Variants in MITF observed in about 807,000 individuals in gnomAD.
MITF encodes melanocyte inducing transcription factor, also known as microphthalmia-associated transcription factor.
MITF carries 17 observed loss-of-function variants against 60.5 expected under a neutral mutation model. That is an observed-to-expected ratio of 0.28 (90% CI 0.19 to 0.42). The LOEUF (loss-of-function observed/expected upper bound fraction) is 0.42, where lower values mean the gene tolerates loss of function less well. Ranked by LOEUF, MITF falls within the 10% of genes least tolerant of loss-of-function variation. MITF has a pLI of 1.00. For synonymous variants in MITF, 260 were observed against 248.5 expected (o/e 1.05, Z -0.43); for missense variants, 622 against 683.5 (o/e 0.91, Z 1.00).
intron 1 of MITF, among the ~76,000 whole-genome samples, chr3:69,811,242 G>A (rs902726150): frequency 6.6e-6 from 1 of 152,190 alleles, no homozygotes; most frequent in African/African-American, 2.4e-5. Flanking sequence ...AATACTTTAC[G>A]AGTATTTACA....
At chr3:69,769,222 CAAT>C (rs2062353327) in intron 1 of MITF, among the ~76,000 whole-genome samples, 1 of 151,914 alleles carries the variant, frequency 6.6e-6, no homozygotes, top group Admixed American at 6.6e-5. Flanking sequence ...GTAATAATAA[CAAT>C]AATGATGATG....
intron 1 of MITF, among the ~76,000 whole-genome samples, chr3:69,830,050 A>T (rs1247027994): frequency 6.6e-6 from 1 of 152,088 alleles, no homozygotes; most frequent in Non-Finnish European, 1.5e-5. Flanking sequence ...CTTCTGGGCG[A>T]TGTTTCAGCT....
At chr3:69,851,234 A>G (rs77524845) in intron 1 of MITF, among the ~76,000 whole-genome samples, 4 of 152,208 alleles carry the variant, frequency 2.6e-5, no homozygotes, top group African/African-American at 9.7e-5. Flanking sequence ...TTTTATTGAC[A>G]TAGGAATACT....
intron 1 of MITF, among the ~76,000 whole-genome samples, chr3:69,813,822 A>C (rs561335362): frequency 1.3e-5 from 2 of 152,224 alleles, no homozygotes; most frequent in African/African-American, 4.8e-5. Flanking sequence ...TAAGGATCTT[A>C]GATAAAATTG....
intron 1 of MITF, among the ~76,000 whole-genome samples, chr3:69,850,241 T>TA: frequency 6.6e-6 from 1 of 152,296 alleles, no homozygotes; most frequent in South Asian, 2.1e-4. Context: ...AGTTACTAGT[T>TA]AGACAATGAG....
At chr3:69,814,605 C>G (rs985842328) in intron 1 of MITF, among the ~76,000 whole-genome samples, 1 of 152,006 alleles carries the variant, frequency 6.6e-6, no homozygotes, top group Non-Finnish European at 1.5e-5. Flanking sequence ...TTGGGATGAA[C>G]CAGTGTGCCC....
intron 1 of MITF, among the ~76,000 whole-genome samples, chr3:69,870,406 GTA>G (rs1230881230): frequency 4.1e-5 from 6 of 146,940 alleles, no homozygotes; most frequent in African/African-American, 1.0e-4. Flanking sequence ...AAATATATGT[GTA>G]TATATATATG....
chr3:69,783,406 C>T (rs530053034), intron 1 of MITF, among the ~76,000 whole-genome samples: 1 of 151,710 alleles, frequency 6.6e-6, no homozygotes, highest in Non-Finnish European at 1.5e-5. Context: ...GGGGCTTTAT[C>T]TGAATACAGA....
intron 1 of MITF, among the ~76,000 whole-genome samples, chr3:69,756,981 G>GT (rs539985866): frequency 2.4e-4 from 36 of 151,976 alleles, no homozygotes; most frequent in African/African-American, 7.5e-4. Flanking sequence ...TGGTGGGGTT[G>GT]TTTTTTTTCC....
At chr3:69,912,864 A>G (rs998602331) in intron 2 of MITF, among the ~76,000 whole-genome samples, 1 of 152,208 alleles carries the variant, frequency 6.6e-6, no homozygotes, top group African/African-American at 2.4e-5. Flanking sequence ...AAGCCTATAT[A>G]AAGGTCCAGT....
In MITF at chr3:69,941,240, A is replaced by G. The variant is rs1176796243; in HGVS notation, c.671A>G (p.Asp224Gly). ...THSRASCMQM[D>G]DVIDDIISLE... ...CTCTTACCCTTTTTCCTACAGATGG[A>G]TGATGTAATCGATGACATCATTAGC... Residue 224 changes from aspartate (D) to glycine (G), a missense_variant, in exon 5 of 10, where the codon GAT becomes GGT. Physicochemically the swap from Asp to Gly is moderately conservative, Grantham distance 94. Around this residue, in one of 5 missense-constraint regions of MITF, gnomAD observed 215 missense variants for 224.8 expected, o/e 0.96. Transcript: ENST00000352241. 1.2e-6 allele frequency: 2 copies of G among 1,603,940 alleles called. No individual in the cohort carries two copies. Among genetic ancestry groups the G allele is most frequent in the South Asian group, 2.2e-5 (2 of 90,814 alleles).
chr3:69,799,953 T>C (rs181514627), intron 1 of MITF, among the ~76,000 whole-genome samples: 1 of 152,324 alleles, frequency 6.6e-6, no homozygotes, highest in Admixed American at 6.5e-5. Context: ...TAATTTTAAA[T>C]TGAGATGTAA....
At chr3:69,801,182 A>C (rs1276791274) in intron 1 of MITF, among the ~76,000 whole-genome samples, 1 of 152,088 alleles carries the variant, frequency 6.6e-6, no homozygotes, top group Non-Finnish European at 1.5e-5. Context: ...GACGTTAGCC[A>C]AGCTCATTTT....
intron 1 of MITF, among the ~76,000 whole-genome samples, chr3:69,833,941 A>G (rs2063497820): frequency 6.6e-6 from 1 of 152,250 alleles, no homozygotes; most frequent in African/African-American, 2.4e-5. Flanking sequence ...CTGTGCACCC[A>G]GTAGCATTGC....
intron 9 of MITF, among the ~76,000 whole-genome samples, chr3:69,963,456 G>T (rs2107548113): frequency 6.6e-6 from 1 of 152,182 alleles, no homozygotes; most frequent in African/African-American, 2.4e-5. Flanking sequence ...TACTCTTTTT[G>T]TTAGGTCCGA....
intron 1 of MITF, among the ~76,000 whole-genome samples, chr3:69,766,213 ATCTT>A (rs1482206814): frequency 6.6e-6 from 1 of 151,498 alleles, no homozygotes; most frequent in African/African-American, 2.4e-5. Flanking sequence ...TTGTCATTTT[ATCTT>A]TCTTTTCTTT....
At chr3:69,901,861 A>C (rs2065002015) in intron 2 of MITF, among the ~76,000 whole-genome samples, 1 of 152,172 alleles carries the variant, frequency 6.6e-6, no homozygotes, top group Non-Finnish European at 1.5e-5. Flanking sequence ...TAGTGTAGGC[A>C]ATTAAGGGAC....
chr3:69,915,804 T>G (rs1240519812), intron 2 of MITF, among the ~76,000 whole-genome samples: 2 of 152,170 alleles, frequency 1.3e-5, no homozygotes, highest in Non-Finnish European at 2.9e-5. Context: ...AATTCAGTCT[T>G]CCCACAGCCT....
intron 2 of MITF, among the ~76,000 whole-genome samples, chr3:69,925,509 G>A (rs1470141323): frequency 6.6e-6 from 1 of 152,146 alleles, no homozygotes; most frequent in Non-Finnish European, 1.5e-5. Context: ...ATTAGACTTA[G>A]TGCAAGCCAA....
Sources: gnomAD v4.1 joint callset for allele counts (sites outside exome capture counted in the v4.1 genomes callset) on GRCh38, gnomAD v4.1.1 for gene constraint, gnomAD v4.1.1 regional missense constraint, MANE v1.5 for transcripts, NCBI Gene and HGNC (gene_info 2026-07-23, HGNC 2026-07-21) for gene names.